Variants in ZNF644 observed in about 807,000 individuals in gnomAD.
The protein encoded by ZNF644 is zinc finger motif enhancer binding protein 2.
A neutral mutation model predicts 108.0 loss-of-function variants in ZNF644; 20 were observed. That is an observed-to-expected ratio of 0.19 (90% CI 0.13 to 0.27). The LOEUF is 0.27. Ranked by LOEUF, ZNF644 falls within the 10% of genes least tolerant of loss-of-function variation. The pLI is 1.00. For synonymous variants in ZNF644, 542 were observed against 539.1 expected (o/e 1.01, Z -0.08); for missense variants, 1,338 against 1,548.9 (o/e 0.86, Z 2.29).
At chr1:91,017,193 G>C (rs1018243719) in intron 1 of ZNF644, among the ~76,000 whole-genome samples, 2 of 152,090 alleles carry the variant, frequency 1.3e-5, no homozygotes, top group African/African-American at 4.8e-5. Flanking sequence ...ATACCAAAAG[G>C]CTTAACACAT....
intron 4 of ZNF644, among the ~76,000 whole-genome samples, chr1:90,925,320 T>C (rs1166629527): frequency 2.0e-5 from 3 of 152,208 alleles, no homozygotes; most frequent in Non-Finnish European, 4.4e-5. Flanking sequence ...AGCCAATCGA[T>C]AGCTTACGTT....
chr1:90,955,420 ATCT>A (rs1271302258), intron 2 of ZNF644, among the ~76,000 whole-genome samples: 3 of 152,118 alleles, frequency 2.0e-5, no homozygotes, highest in Non-Finnish European at 4.4e-5. Context: ...GCTAGATGGC[ATCT>A]TCTTCTTGTA....
At chr1:91,017,956 C>T (rs568705466) in intron 1 of ZNF644, among the ~76,000 whole-genome samples, 176 of 152,144 alleles carry the variant, frequency 1.2e-3, no homozygotes, top group Non-Finnish European at 1.5e-3. Context: ...ACCGAGACTC[C>T]GTCCCCCAAC....
intron 2 of ZNF644, among the ~76,000 whole-genome samples, chr1:90,947,313 G>A (rs747877880): frequency 3.2e-4 from 49 of 152,106 alleles, no homozygotes; most frequent in Non-Finnish European, 4.7e-4. Context: ...ATATATGCAC[G>A]TGGCTCCAAT....
rs187760183 is a variant in ZNF644, at chr1:90,971,183, G to A, written c.44+11127C>T. Among the ~76,000 whole-genome samples the A allele has an allele frequency of 1.0e-3, 156 of 149,520 alleles. 2 individuals are homozygous for A. The Middle Eastern group carries it at 0.014, about 13-fold the overall frequency. On this transcript the variant is annotated intron_variant, in intron 2 of 5. Coordinates refer to ENST00000337393, the MANE Select transcript of ZNF644 (RefSeq NM_201269.3). Reference sequence around the variant, plus strand: ...CAGCACATTAAAAGTATTATACACCGTAAGCAAATGAGATTTATTTCTGGA... The same window carrying A: ...CAGCACATTAAAAGTATTATACACCATAAGCAAATGAGATTTATTTCTGGA...
At chr1:91,015,900 G>A (rs1319899728) in intron 1 of ZNF644, among the ~76,000 whole-genome samples, 1 of 152,138 alleles carries the variant, frequency 6.6e-6, no homozygotes, top group Non-Finnish European at 1.5e-5. Context: ...ACTTTACTCA[G>A]CATTGTATGC....
intron 1 of ZNF644, among the ~76,000 whole-genome samples, chr1:90,983,303 C>G (rs917063553): frequency 6.6e-6 from 1 of 151,918 alleles, no homozygotes; most frequent in African/African-American, 2.4e-5. Flanking sequence ...CACCCAATGC[C>G]ATCATCTCCC....
chr1:91,004,440 C>A (rs903570526), intron 1 of ZNF644, among the ~76,000 whole-genome samples: 4 of 152,126 alleles, frequency 2.6e-5, no homozygotes, highest in Admixed American at 2.0e-4. Context: ...ACCATGAATT[C>A]TACAACTATT....
chr1:90,917,103 T>G (rs370386444), intron 5 of ZNF644, 113 bp from the exon 6 acceptor site: 105 of 1,084,254 alleles, frequency 9.7e-5, no homozygotes, highest in Admixed American at 9.5e-4. Flanking sequence ...AAGACAGCAA[T>G]TGATAAAGTT....
intron 1 of ZNF644, among the ~76,000 whole-genome samples, chr1:91,000,804 G>C (rs1658693129): frequency 1.3e-5 from 2 of 151,894 alleles, no homozygotes; most frequent in African/African-American, 4.8e-5. Context: ...TAATAAAGAA[G>C]AAAAGAGAGA....
At chr1:90,954,042 A>G (rs1653476130) in intron 2 of ZNF644, among the ~76,000 whole-genome samples, 1 of 152,160 alleles carries the variant, frequency 6.6e-6, no homozygotes, top group South Asian at 2.1e-4. Context: ...AATATTGACA[A>G]TCAGAGTGGC....
chr1:90,917,747 C>T (rs924356012), intron 5 of ZNF644, among the ~76,000 whole-genome samples: 1 of 152,234 alleles, frequency 6.6e-6, no homozygotes, highest in Non-Finnish European at 1.5e-5. Context: ...ATCCACCCAT[C>T]TTGGCCACCC....
chr1:91,006,567 T>G (rs1341971167), intron 1 of ZNF644, among the ~76,000 whole-genome samples: 3 of 152,170 alleles, frequency 2.0e-5, no homozygotes, highest in Admixed American at 1.3e-4. Flanking sequence ...TACCAAAATC[T>G]GACAAAGTTA....
chr1:91,004,428 C>T (rs1313715190), intron 1 of ZNF644, among the ~76,000 whole-genome samples: 4 of 152,156 alleles, frequency 2.6e-5, no homozygotes, highest in Admixed American at 2.0e-4. Context: ...GAAAAAGACT[C>T]GACCATGAAT....
chr1:90,944,345 T>C (rs1652308074), intron 2 of ZNF644, among the ~76,000 whole-genome samples: 1 of 152,176 alleles, frequency 6.6e-6, no homozygotes, highest in African/African-American at 2.4e-5. Context: ...CAACCTGTTT[T>C]GTTCAAAAAC....
chr1:90,926,945 A>G (rs569430487), intron 4 of ZNF644, among the ~76,000 whole-genome samples: 1 of 152,314 alleles, frequency 6.6e-6, no homozygotes, highest in East Asian at 1.9e-4. Context: ...ATCTTAGACT[A>G]GCGTTCTATG....
chr1:90,944,323 T>C (rs1435740748), intron 2 of ZNF644, among the ~76,000 whole-genome samples: 2 of 152,160 alleles, frequency 1.3e-5, no homozygotes, highest in African/African-American at 4.8e-5. Context: ...TAAGGTCACA[T>C]TCTGAAGATA....
intron 1 of ZNF644, among the ~76,000 whole-genome samples, chr1:91,002,006 C>A (rs968330342): frequency 6.6e-6 from 1 of 152,156 alleles, no homozygotes; most frequent in Non-Finnish European, 1.5e-5. Context: ...GAACTACAAA[C>A]CATTGCTCAA....
chr1:90,989,522 A>C (rs529666366), intron 1 of ZNF644, among the ~76,000 whole-genome samples: 1 of 152,196 alleles, frequency 6.6e-6, no homozygotes, highest in Admixed American at 6.5e-5. Context: ...CAGCCTGGGC[A>C]ATATAGCAAG....
Sources: gnomAD v4.1 joint callset for allele counts (sites outside exome capture counted in the v4.1 genomes callset) on GRCh38, gnomAD v4.1.1 for gene constraint, MANE v1.5 for transcripts, NCBI Gene and HGNC (gene_info 2026-07-23, HGNC 2026-07-21) for gene names.